Variants in GSK3B observed in about 807,000 individuals in gnomAD.
The protein encoded by GSK3B is glycogen synthase kinase-3 beta.
Under a neutral mutation model 56.4 loss-of-function variants are expected in GSK3B, and 15 were observed. The ratio of observed to expected loss-of-function variants is 0.27; its 90% CI spans 0.18 to 0.41. GSK3B has a LOEUF of 0.41. GSK3B is among the 10% of genes least tolerant of loss of function. The pLI is 1.00. For missense variants in GSK3B, 300 were observed against 513.4 expected (o/e 0.58, Z 4.02); for synonymous variants, 181 against 188.9 (o/e 0.96, Z 0.34).
At chr3:119,957,175 A>G (rs1166695107) in intron 2 of GSK3B, among the ~76,000 whole-genome samples, 2 of 152,204 alleles carry the variant, frequency 1.3e-5, no homozygotes, top group African/African-American at 4.8e-5. Context: ...GAAATTTATG[A>G]TATTTTCCTT....
chr3:119,931,413 T>C (rs1241413096), intron 3 of GSK3B, among the ~76,000 whole-genome samples: 2 of 152,082 alleles, frequency 1.3e-5, no homozygotes, highest in Admixed American at 1.3e-4. Context: ...CCCGGAAGTT[T>C]AACACCAGCC....
intron 9 of GSK3B, among the ~76,000 whole-genome samples, chr3:119,845,059 A>C (rs2055836425): frequency 6.6e-6 from 1 of 152,220 alleles, no homozygotes; most frequent in South Asian, 2.1e-4. Flanking sequence ...AATGACAAAA[A>C]CCACATGATT....
chr3:120,022,328 A>G (rs2057885909), intron 1 of GSK3B, among the ~76,000 whole-genome samples: 1 of 152,256 alleles, frequency 6.6e-6, no homozygotes, highest in Non-Finnish European at 1.5e-5. Context: ...TATAAACTAC[A>G]GTATAGTGCA....
rs375344697 is a variant in GSK3B at position 119,986,066 on chromosome 3, G to C, written c.282+15980C>G. The stretch of plus-strand genomic sequence containing the variant: ...ACCATCTGATCTTTGACAAACCTGA[G>C]AAAAACAAGAAATGGGGAAAGGATT... On this transcript the variant is annotated intron_variant, in intron 2 of 10. Coordinates refer to ENST00000264235, the MANE Select transcript of GSK3B (RefSeq NM_001146156.2). Among the ~76,000 whole-genome samples, 27 of 152,116 alleles carry C rather than the reference G, an allele frequency of 1.8e-4. No homozygotes were observed. The East Asian group carries it at 2.1e-3, about 12-fold the overall frequency.
chr3:119,833,687 GTTGTTTTTTTTTTTT>G (rs2055640124), intron 10 of GSK3B, among the ~76,000 whole-genome samples: 1 of 133,462 alleles, frequency 7.5e-6, no homozygotes, highest in African/African-American at 2.9e-5. Context: ...GAAACATTAG[GTTGTTTTTTTTTTTT>G]TTTTTTTTTT....
chr3:120,021,102 AG>A (rs1463963506), intron 1 of GSK3B, among the ~76,000 whole-genome samples: 1 of 152,194 alleles, frequency 6.6e-6, no homozygotes, highest in Non-Finnish European at 1.5e-5. Flanking sequence ...TAAAAGTACA[AG>A]GTAAAGCAGT....
intron 7 of GSK3B, among the ~76,000 whole-genome samples, chr3:119,879,779 G>A (rs1481098073): frequency 6.6e-6 from 1 of 151,996 alleles, no homozygotes; most frequent in South Asian, 2.1e-4. Flanking sequence ...AACGACTTCC[G>A]GTGCCATCTA....
chr3:120,079,350 A>T (rs56998611), intron 1 of GSK3B, among the ~76,000 whole-genome samples: 21 of 96,528 alleles, frequency 2.2e-4, no homozygotes, highest in South Asian at 1.6e-3. Flanking sequence ...ACACACACAC[A>T]TTTTTTTTTT....
chr3:120,019,598 C>T (rs1035984732), intron 1 of GSK3B, among the ~76,000 whole-genome samples: 2 of 152,158 alleles, frequency 1.3e-5, no homozygotes, highest in African/African-American at 4.8e-5. Context: ...CATTTTCATT[C>T]CACTCAGAAC....
At chr3:119,945,249 T>C (rs2057088418) in intron 3 of GSK3B, among the ~76,000 whole-genome samples, 1 of 152,218 alleles carries the variant, frequency 6.6e-6, no homozygotes, top group Non-Finnish European at 1.5e-5. Context: ...TTTTCTTCTC[T>C]TCTTCCTTTT....
At chr3:119,853,285 TCTGTTTTGGTACCAGTACCATG>T (rs1180199649) in intron 9 of GSK3B, among the ~76,000 whole-genome samples, 1 of 152,200 alleles carries the variant, frequency 6.6e-6, no homozygotes, top group Non-Finnish European at 1.5e-5. Context: ...GGTCTATATC[TCTGTTTTGGTACCAGTACCATG>T]CTGTTTTGGT....
rs181277764 is a variant in GSK3B, at chr3:119,900,772, T to A, written c.813+4983A>T. Among the ~76,000 whole-genome samples the A allele has an allele frequency of 2.6e-5, 4 of 152,264 alleles. No individual in the cohort carries two copies. In the East Asian group the frequency reaches 5.8e-4, roughly 22 times the overall value. ...CAATCATGCAGTGGAATCTATGTAG[T>A]CATTAAAAAATATACTTAATTGTTC... On this transcript the variant is annotated intron_variant, in intron 7 of 10. Coordinates refer to ENST00000264235, the MANE Select transcript of GSK3B (RefSeq NM_001146156.2).
Position 119,840,063 on chromosome 3 carries a change from G to A in GSK3B, c.1195+3192C>T, listed in dbSNP as rs1462425035. 5.3e-5 allele frequency among the ~76,000 whole-genome samples: 8 copies of A among 151,928 alleles called. No homozygotes were observed. In the East Asian group the frequency reaches 1.2e-3, roughly 22 times the overall value. Reference sequence around the variant, plus strand: ...TGAAATGCTTTGTGAGGAAAGCTTCGGCTATGTCTGTAGCTTAGCAGTCCC... The same window carrying A: ...TGAAATGCTTTGTGAGGAAAGCTTCAGCTATGTCTGTAGCTTAGCAGTCCC... On this transcript the variant is annotated intron_variant, in intron 10 of 10. Coordinates refer to ENST00000264235, the MANE Select transcript of GSK3B (RefSeq NM_001146156.2).
chr3:119,952,812 T>TA (rs991036383), intron 2 of GSK3B, among the ~76,000 whole-genome samples: 9 of 150,412 alleles, frequency 6.0e-5, no homozygotes, highest in East Asian at 1.9e-4. Context: ...TCCTCACACT[T>TA]AAAAAAAAAG....
intron 5 of GSK3B, among the ~76,000 whole-genome samples, chr3:119,915,727 G>A (rs920604391): frequency 6.6e-6 from 1 of 151,974 alleles, no homozygotes; most frequent in East Asian, 1.9e-4. Flanking sequence ...TGCATGTACC[G>A]TAATTTATTT....
chr3:119,937,558 T>C (rs1441758515), intron 3 of GSK3B, among the ~76,000 whole-genome samples: 2 of 152,026 alleles, frequency 1.3e-5, no homozygotes, highest in Non-Finnish European at 2.9e-5. Flanking sequence ...ACTAAGATAA[T>C]ACTCTTAAAC....
At chr3:120,089,314 G>A (rs564589054) in intron 1 of GSK3B, among the ~76,000 whole-genome samples, 25 of 152,256 alleles carry the variant, frequency 1.6e-4, no homozygotes, top group Non-Finnish European at 1.6e-4. Flanking sequence ...TATCTTAAAC[G>A]TTTTAACAAC....
intron 1 of GSK3B, among the ~76,000 whole-genome samples, chr3:120,031,787 T>C (rs1376130730): frequency 3.3e-5 from 5 of 152,242 alleles, no homozygotes; most frequent in African/African-American, 1.2e-4. Flanking sequence ...TAATGCACTG[T>C]CCATGAGGAG....
chr3:119,982,344 A>G (rs1041476574), intron 2 of GSK3B, among the ~76,000 whole-genome samples: 6 of 152,314 alleles, frequency 3.9e-5, no homozygotes, highest in Admixed American at 3.3e-4. Context: ...AACAGAAAAA[A>G]AGCTGGAAGG....
Sources: gnomAD v4.1 joint callset for allele counts (sites outside exome capture counted in the v4.1 genomes callset) on GRCh38, gnomAD v4.1.1 for gene constraint, MANE v1.5 for transcripts, NCBI Gene and HGNC (gene_info 2026-07-23, HGNC 2026-07-21) for gene names.